The following FCF1 variants were observed in gnomAD, a reference collection of about 807,000 sequenced individuals.
The protein encoded by FCF1 is rRNA-processing protein FCF1 homolog.
Under a neutral mutation model 32.5 loss-of-function variants are expected in FCF1, and 17 were observed. The ratio of observed to expected loss-of-function variants is 0.52; its 90% CI spans 0.36 to 0.78. FCF1 has a LOEUF of 0.78. Among genes scored for constraint, FCF1 ranks in the 30% least tolerant of loss-of-function variants. FCF1 has a pLI of 0.00. For missense variants in FCF1, 201 were observed against 241.1 expected, an observed-to-expected ratio of 0.83 and a Z score of 1.10; for synonymous variants, 84 against 78.4, an observed-to-expected ratio of 1.07 and a Z score of -0.38.
chr14:74,727,388 G>A (rs1425789830), intron 5 of FCF1, among the ~76,000 whole-genome samples: 1 of 152,006 alleles, frequency 6.6e-6, no homozygotes, highest in Non-Finnish European at 1.5e-5. Context: ...TGTGTTTTTT[G>A]GCTGCATAAA....
chr14:74,717,483 G>T (rs1297598681), intron 4 of FCF1, among the ~76,000 whole-genome samples: 2 of 152,192 alleles, frequency 1.3e-5, no homozygotes, highest in Admixed American at 1.3e-4. Flanking sequence ...AATTGATTGG[G>T]TGGCAATGGT....
chr14:74,723,559 G>A (rs1350040889), intron 5 of FCF1, among the ~76,000 whole-genome samples: 1 of 151,892 alleles, frequency 6.6e-6, no homozygotes, highest in South Asian at 2.1e-4. Context: ...TCTTGTCCGG[G>A]CTCGGTGGCC....
At chr14:74,716,140 A>G (rs779880632) in intron 4 of FCF1, 41 bp downstream of exon 4, 2 of 1,579,616 alleles carry the variant, frequency 1.3e-6, no homozygotes, top group Admixed American at 3.4e-5. Context: ...ATTTGTTCAG[A>G]ATAATTATAT....
intron 5 of FCF1, among the ~76,000 whole-genome samples, chr14:74,728,101 C>G (rs1369307052): frequency 6.6e-6 from 1 of 151,992 alleles, no homozygotes; most frequent in Admixed American, 6.6e-5. Flanking sequence ...TTTTTTGGCT[C>G]CATATGAACT....
Position 74,720,619 on chromosome 14 carries a change from A to G in FCF1, c.293-2653A>G, listed in dbSNP as rs865912101. Among the ~76,000 whole-genome samples the G allele has an allele frequency of 4.6e-5, 7 of 151,964 alleles. No individual in the cohort carries two copies. In the South Asian group the frequency reaches 6.2e-4, roughly 14 times the overall value. Reference sequence around the variant, plus strand: ...TTACATTGAACTATATATTTTGAACATTTTTCCATGGCATGTATATATAAA... The same window carrying G: ...TTACATTGAACTATATATTTTGAACGTTTTTCCATGGCATGTATATATAAA... On this transcript the variant is annotated intron_variant, in intron 4 of 7. Coordinates refer to ENST00000341162, the MANE Select transcript of FCF1 (RefSeq NM_015962.5).
intron 1 of FCF1, 55 bp from the exon 2 acceptor site, chr14:74,713,430 T>C: frequency 6.3e-7 from 1 of 1,583,388 alleles, no homozygotes; most frequent in Non-Finnish European, 8.7e-7. Flanking sequence ...AAGAAGAGAC[T>C]TTAAAAGATG....
At chr14:74,717,384 G>A (rs1446829136) in intron 4 of FCF1, among the ~76,000 whole-genome samples, 2 of 151,970 alleles carry the variant, frequency 1.3e-5, no homozygotes, top group Non-Finnish European at 2.9e-5. Context: ...ACATTTATTA[G>A]CTGCATACGT....
chr14:74,724,998 G>A (rs546949934), intron 5 of FCF1, among the ~76,000 whole-genome samples: 4 of 151,888 alleles, frequency 2.6e-5, no homozygotes, highest in African/African-American at 9.7e-5. Context: ...TTATATGTGT[G>A]TATATGTATA....
chr14:74,718,946 A>G (rs962832049), intron 4 of FCF1, among the ~76,000 whole-genome samples: 2 of 151,838 alleles, frequency 1.3e-5, no homozygotes. Context: ...CCCGGCCAAC[A>G]TGGTGAAACC....
At chr14:74,721,446 A>C (rs1306486455) in intron 4 of FCF1, among the ~76,000 whole-genome samples, 1 of 152,178 alleles carries the variant, frequency 6.6e-6, no homozygotes. Context: ...CACGCCTATA[A>C]TCCCATCATT....
intron 6 of FCF1, 108 bp from the exon 7 acceptor site, chr14:74,733,968 C>A (rs2090671349): frequency 4.2e-6 from 3 of 715,902 alleles, no homozygotes; most frequent in Non-Finnish European, 7.5e-6. Flanking sequence ...TCGCTACTTA[C>A]TGTGAAAATG....
In FCF1 at chr14:74,728,187, C is replaced by T. The variant is rs1373328634; in HGVS notation, c.366-4544C>T. 3.3e-5 allele frequency among the ~76,000 whole-genome samples: 5 copies of T among 152,232 alleles called. No individual in the cohort carries two copies. The South Asian group carries it at 8.3e-4, about 25-fold the overall frequency. ...GGGATGGTATTGAATCTATAAATTACCTTGGGCAGTATGGCCATTTTCACG... is the reference window on the plus strand; with the variant it reads ...GGGATGGTATTGAATCTATAAATTATCTTGGGCAGTATGGCCATTTTCACG... On this transcript the variant is annotated intron_variant, in intron 5 of 7. Coordinates refer to ENST00000341162, the MANE Select transcript of FCF1 (RefSeq NM_015962.5).
chr14:74,713,225 G>A, intron 1 of FCF1, 25 bp downstream of exon 1: 2 of 1,614,240 alleles, frequency 1.2e-6, no homozygotes, highest in Non-Finnish European at 1.7e-6. Context: ...TCCAAGAAGG[G>A]ACGTTATCAG....
chr14:74,733,955 C>T lies in FCF1; in HGVS notation c.454-121C>T. ...TACTCAACAAATTGTTATAGCCTGC[C>T]CTTCGCTACTTACTGTGAAAATGAA... On this transcript the variant is annotated intron_variant, in intron 6 of 7. Coordinates refer to ENST00000341162, the MANE Select transcript of FCF1 (RefSeq NM_015962.5). The T allele has an allele frequency of 3.1e-6, 2 of 641,332 alleles. 1 individual carries two copies. The highest frequency in any genetic ancestry group is 4.1e-5 in the South Asian group (2 of 48,282). The allele number at this position is 641,332 out of a possible 1,614,324, so 39.7% of individuals were successfully genotyped here. A position where few individuals can be genotyped will look rare whatever the true frequency, so the allele number is the denominator to read the frequency against.
At chr14:74,733,337 T>G in intron 6 of FCF1, among the ~76,000 whole-genome samples, 1 of 147,210 alleles carries the variant, frequency 6.8e-6, no homozygotes, top group Admixed American at 7.2e-5. Context: ...TGAGTGCTTT[T>G]ATAAGGGCCT....
intron 3 of FCF1, chr14:74,715,715 G>T: frequency 4.9e-6 from 4 of 819,132 alleles, no homozygotes; most frequent in Admixed American, 5.3e-5. Flanking sequence ...TGCTTTTTTT[G>T]TTTGTTTGTT....
In FCF1 at chr14:74,732,799, T is replaced by C; in HGVS notation, c.434T>C (p.Leu145Ser). The change falls in exon 6 of 8, where the codon TTA (leucine) becomes TCA (serine). Residue 145 changes from leucine to serine, a missense_variant. By Grantham distance (145) the Leu-to-Ser change is moderately radical. Coordinates refer to ENST00000341162, the MANE Select transcript of FCF1 (RefSeq NM_015962.5). Reference protein sequence around the residue: ...THKGTYADDCLVQRVTQHKCY... With the variant: ...THKGTYADDCSVQRVTQHKCY... ...AAAGGAACCTATGCAGATGACTGCT[T>C]AGTACAGAGAGTAACTCAGGTATTA... 1 of 1,608,526 alleles carries C rather than the reference T, an allele frequency of 6.2e-7. No homozygotes were observed. Among genetic ancestry groups the C allele is most frequent in the Non-Finnish European group, 8.5e-7 (1 of 1,175,358 alleles).
At chr14:74,732,220 T>A (rs1360926822) in intron 5 of FCF1, among the ~76,000 whole-genome samples, 1 of 151,996 alleles carries the variant, frequency 6.6e-6, no homozygotes, top group African/African-American at 2.4e-5. Context: ...TCCTTCCACA[T>A]TGGTACGTAC....
In FCF1 at chr14:74,734,952, C is replaced by T. The variant is rs2090687685; in HGVS notation, c.*22C>T. On this transcript the variant is annotated 3_prime_UTR_variant, in exon 8 of 8. Coordinates refer to ENST00000341162, the MANE Select transcript of FCF1 (RefSeq NM_015962.5). ...CTAATTCTTACAAGACACAGTTCCT[C>T]TGCCTTTCTTCGACCAACTTTCTCT... 3.7e-6 allele frequency: 6 copies of T among 1,607,566 alleles called. No individual in the cohort carries two copies. The South Asian group carries it at 4.4e-5, about 12-fold the overall frequency.
Sources: gnomAD v4.1 joint callset for allele counts (sites outside exome capture counted in the v4.1 genomes callset) on GRCh38, gnomAD v4.1.1 for gene constraint, MANE v1.5 for transcripts, NCBI Gene and HGNC (gene_info 2026-07-23, HGNC 2026-07-21) for gene names.